Variants in ELOVL6 observed in about 807,000 individuals in gnomAD.
The protein encoded by ELOVL6 is very long chain fatty acid elongase 6.
ELOVL6 carries 8 observed loss-of-function variants against 31.7 expected under a neutral mutation model. The ratio of observed to expected loss-of-function variants is 0.25; its 90% CI spans 0.15 to 0.45. The LOEUF is 0.45. Among genes scored for constraint, ELOVL6 ranks in the 20% least tolerant of loss-of-function variants. The pLI is 1.00. For missense variants in ELOVL6, 126 were observed against 326.4 expected (o/e 0.39, Z 4.73); for synonymous variants, 101 against 117.7 (o/e 0.86, Z 0.92).
intron 2 of ELOVL6, among the ~76,000 whole-genome samples, chr4:110,061,985 G>A (rs906821869): frequency 1.3e-5 from 2 of 152,040 alleles, no homozygotes; most frequent in Admixed American, 6.6e-5. Context: ...AATTTCTAAG[G>A]TATTCACACA....
At chr4:110,104,918 T>C (rs572395660) in intron 2 of ELOVL6, among the ~76,000 whole-genome samples, 1 of 152,230 alleles carries the variant, frequency 6.6e-6, no homozygotes, top group Admixed American at 6.5e-5. Context: ...AGTCTCTGTG[T>C]TGAGTTCTTT....
chr4:110,090,777 G>A (rs1282599908), intron 2 of ELOVL6, among the ~76,000 whole-genome samples: 1 of 151,878 alleles, frequency 6.6e-6, no homozygotes, highest in Admixed American at 6.6e-5. Flanking sequence ...GCTAATTTTT[G>A]TATCTTTAGC....
intron 1 of ELOVL6, among the ~76,000 whole-genome samples, chr4:110,121,634 G>T (rs1757360258): frequency 6.6e-6 from 1 of 152,154 alleles, no homozygotes; most frequent in Non-Finnish European, 1.5e-5. Context: ...AGGAGGCGGA[G>T]GTTGCAGTGA....
chr4:110,084,316 A>AAATTT (rs1402622837), intron 2 of ELOVL6, among the ~76,000 whole-genome samples: 441 of 67,576 alleles, frequency 6.5e-3, no homozygotes, highest in African/African-American at 0.012. Flanking sequence ...CATATAACAT[A>AAATTT]TATAAATTTG....
At chr4:110,192,100 GA>G (rs988037838) in intron 1 of ELOVL6, among the ~76,000 whole-genome samples, 1 of 150,052 alleles carries the variant, frequency 6.7e-6, no homozygotes, top group African/African-American at 2.5e-5. Context: ...TGAGGTAGGA[GA>G]ATCACTTGAA....
chr4:110,114,333 G>A (rs893196983), intron 1 of ELOVL6, among the ~76,000 whole-genome samples: 5 of 152,090 alleles, frequency 3.3e-5, no homozygotes, highest in African/African-American at 1.2e-4. Flanking sequence ...CAAAGCTGTA[G>A]GCATTTTTTT....
chr4:110,150,903 C>T (rs868132539), intron 1 of ELOVL6, among the ~76,000 whole-genome samples: 4 of 152,024 alleles, frequency 2.6e-5, no homozygotes, highest in Non-Finnish European at 5.9e-5. Flanking sequence ...ATTAGCCAGA[C>T]GTGGTGGCAC....
At chr4:110,111,173 T>C (rs954751992) in intron 1 of ELOVL6, among the ~76,000 whole-genome samples, 5 of 152,220 alleles carry the variant, frequency 3.3e-5, no homozygotes, top group African/African-American at 1.2e-4. Context: ...TGTAAACTTA[T>C]CTTTTTCCCC....
intron 2 of ELOVL6, among the ~76,000 whole-genome samples, chr4:110,077,043 C>T (rs1380394619): frequency 2.0e-5 from 3 of 152,152 alleles, no homozygotes; most frequent in Non-Finnish European, 2.9e-5. Context: ...GGGAGAGGGG[C>T]GCCTGCCATT....
At chr4:110,085,629 G>A (rs11943595) in intron 2 of ELOVL6, among the ~76,000 whole-genome samples, 44,548 of 152,024 alleles carry the variant, frequency 0.29, 8,351 homozygotes, top group African/African-American at 0.51. Flanking sequence ...GGTATCTAAA[G>A]GGGCATATAA....
chr4:110,174,006 T>C, intron 1 of ELOVL6, among the ~76,000 whole-genome samples: 1 of 151,546 alleles, frequency 6.6e-6, no homozygotes, highest in East Asian at 1.9e-4. Context: ...AAAATAAAAA[T>C]ATAAAAAAGC....
intron 1 of ELOVL6, among the ~76,000 whole-genome samples, chr4:110,170,102 A>C (rs1050563075): frequency 3.3e-5 from 5 of 151,888 alleles, no homozygotes; most frequent in African/African-American, 4.8e-5. Context: ...GGCGTGAGCC[A>C]CTGAGCCCAG....
intron 1 of ELOVL6, among the ~76,000 whole-genome samples, chr4:110,190,575 C>G (rs368968603): frequency 6.6e-6 from 1 of 152,072 alleles, no homozygotes; most frequent in African/African-American, 2.4e-5. Context: ...TGCAATCTCG[C>G]CTCACTGGAA....
At chr4:110,115,032 C>G (rs374662643) in intron 1 of ELOVL6, among the ~76,000 whole-genome samples, 2 of 151,958 alleles carry the variant, frequency 1.3e-5, no homozygotes, top group East Asian at 3.9e-4. Context: ...TTTCATTTCC[C>G]CAAATCACCT....
intron 1 of ELOVL6, among the ~76,000 whole-genome samples, chr4:110,151,365 T>C (rs1758275889): frequency 6.6e-6 from 1 of 152,066 alleles, no homozygotes; most frequent in South Asian, 2.1e-4. Flanking sequence ...TTTTAATAAT[T>C]TTATGCATTA....
rs370632831 is a variant in ELOVL6, at chr4:110,198,350, G to A, written c.-15C>T. 20 of 1,501,420 alleles carry A rather than the reference G, an allele frequency of 1.3e-5. No individual in the cohort carries two copies. The African/African-American group carries it at 2.8e-4, about 21-fold the overall frequency. The allele number at this position is 1,501,420 out of a possible 1,614,324, so 93.0% of individuals were successfully genotyped here. A position where few individuals can be genotyped will look rare whatever the true frequency, so the allele number is the denominator to read the frequency against. ...GACATGTTCATTGGGGCTGATCTTCGGAGTCGCTACGTGTTCTCTATACAA... is the reference window on the plus strand; with the variant it reads ...GACATGTTCATTGGGGCTGATCTTCAGAGTCGCTACGTGTTCTCTATACAA... On this transcript the variant is annotated 5_prime_UTR_variant, in exon 1 of 4. Transcript: ENST00000302274.
chr4:110,196,398 TCCGGCGCCCGCCGGCTCCGGCC>T (rs1759784891), intron 1 of ELOVL6, among the ~76,000 whole-genome samples: 1 of 152,160 alleles, frequency 6.6e-6, no homozygotes, highest in African/African-American at 2.4e-5. Flanking sequence ...GCAGCGCGGT[TCCGGCGCCCGCCGGCTCCGGCC>T]ACCGCCCCCT....
In ELOVL6 at chr4:110,053,795, C is replaced by G. The variant is rs898423952; in HGVS notation, c.374-2033G>C. 2.0e-5 allele frequency among the ~76,000 whole-genome samples: 3 copies of G among 152,104 alleles called. No homozygotes were observed. In the South Asian group the frequency reaches 6.2e-4, roughly 32 times the overall value. Reference sequence around the variant, plus strand: ...TCTACTATAAAATTAAAAAAATATCCAGGTGTGGTGGTGGGTGCCTGTGGT... The same window carrying G: ...TCTACTATAAAATTAAAAAAATATCGAGGTGTGGTGGTGGGTGCCTGTGGT... On this transcript the variant is annotated intron_variant, in intron 3 of 3. Coordinates refer to ENST00000302274, the MANE Select transcript of ELOVL6 (RefSeq NM_024090.3).
chr4:110,155,264 C>A (rs1758381943), intron 1 of ELOVL6, among the ~76,000 whole-genome samples: 1 of 151,878 alleles, frequency 6.6e-6, no homozygotes, highest in African/African-American at 2.4e-5. Context: ...TTTTAAGAAT[C>A]AAATCATAAT....
Sources: gnomAD v4.1 joint callset for allele counts (sites outside exome capture counted in the v4.1 genomes callset) on GRCh38, gnomAD v4.1.1 for gene constraint, MANE v1.5 for transcripts, NCBI Gene and HGNC (gene_info 2026-07-23, HGNC 2026-07-21) for gene names.